The following MDH1 variants were observed in gnomAD, a reference collection of about 807,000 sequenced individuals.
The protein encoded by MDH1 is malate dehydrogenase, cytoplasmic.
In MDH1, 15 loss-of-function variants were observed where a neutral mutation model predicts 38.7. That is an observed-to-expected ratio of 0.39 (90% CI 0.26 to 0.60). The LOEUF is 0.60. MDH1 is among the 20% of genes least tolerant of loss of function. MDH1 has a pLI of 0.56. For synonymous variants in MDH1, 144 were observed against 143.6 expected, an observed-to-expected ratio of 1.00 and a Z score of -0.02; for missense variants, 368 against 405.2, an observed-to-expected ratio of 0.91 and a Z score of 0.79.
rs748062233 is a variant in MDH1, at chr2:63,594,546, T to C, written c.62T>C (p.Leu21Pro). The C allele has an allele frequency of 6.2e-7, 1 of 1,613,890 alleles. No individual in the cohort carries two copies. The change falls in exon 2 of 9, where the codon CTG becomes CCG. Residue 21 changes from leucine to proline, a missense_variant. Coordinates refer to ENST00000233114, the MANE Select transcript of MDH1 (RefSeq NM_005917.4). ...GCTGGTCAAATTGCATATTCACTGC[T>C]GTACAGTATTGGAAATGGATCTGTC... ...GAAGQIAYSL[L>P]YSIGNGSVFG...
chr2:63,594,371 CT>C lies in MDH1; in HGVS notation c.4-114del. 5 of 851,372 alleles carry C rather than the reference CT, an allele frequency of 5.9e-6. No homozygotes were observed. The South Asian group carries it at 6.7e-5, about 11-fold the overall frequency. 52.7% of individuals were successfully genotyped at this position (851,372 alleles called of 1,614,324 possible). A position where few individuals can be genotyped will look rare whatever the true frequency, so the allele number is the denominator to read the frequency against. ...TTCTACTGAGCCAGATGCAAAAGGA[CT>C]TTAAAATTTTACATTCACTTTTAAA... On this transcript the variant is annotated intron_variant, in intron 1 of 8. Coordinates refer to ENST00000233114, the MANE Select transcript of MDH1 (RefSeq NM_005917.4).
intron 5 of MDH1, chr2:63,599,603 G>A (rs1159313038): frequency 1.7e-5 from 3 of 175,598 alleles, no homozygotes; most frequent in African/African-American, 7.2e-5. Context: ...ATACATGATG[G>A]TACATAATTT....
At chr2:63,593,784 TA>T (rs1709248820) in intron 1 of MDH1, among the ~76,000 whole-genome samples, 1 of 152,258 alleles carries the variant, frequency 6.6e-6, no homozygotes, top group African/African-American at 2.4e-5. Flanking sequence ...TTCTATCTTT[TA>T]AAATTCTGTC....
intron 1 of MDH1, chr2:63,589,376 G>A (rs570913226): frequency 6.4e-7 from 1 of 1,550,602 alleles, no homozygotes; most frequent in East Asian, 2.4e-5. Context: ...GTTTGATAAG[G>A]ACGATAAGGT....
chr2:63,592,407 C>T (rs1433356420), intron 1 of MDH1, among the ~76,000 whole-genome samples: 1 of 152,180 alleles, frequency 6.6e-6, no homozygotes, highest in African/African-American at 2.4e-5. Flanking sequence ...CTGAAGTGCA[C>T]TCACACAGTA....
Position 63,589,036 on chromosome 2 carries a change from T to G in MDH1, c.-8T>G. ...CAGTTGTTGAAATTGTCCCCGCAGT[T>G]TTCAATCATGGTGAGTGTGGGCCCC... On this transcript the variant is annotated 5_prime_UTR_variant, in exon 1 of 9. Transcript: ENST00000233114. 1 of 1,614,206 alleles carries G rather than the reference T, an allele frequency of 6.2e-7. No homozygotes were observed. Among genetic ancestry groups the G allele is most frequent in the Non-Finnish European group, 8.5e-7 (1 of 1,180,034 alleles).
chr2:63,602,121 T>C (rs542685816), intron 5 of MDH1, among the ~76,000 whole-genome samples: 2 of 152,336 alleles, frequency 1.3e-5, no homozygotes, highest in Non-Finnish European at 2.9e-5. Flanking sequence ...ATTAGATCGG[T>C]CAAAAGTGAT....
intron 3 of MDH1, 78 bp downstream of exon 3, chr2:63,595,597 C>G: frequency 1.2e-6 from 1 of 846,554 alleles, no homozygotes; most frequent in Admixed American, 2.4e-5. Context: ...TTGTTAAAGG[C>G]TCTCAATTAG....
intron 3 of MDH1, among the ~76,000 whole-genome samples, chr2:63,595,893 C>T (rs895098869): frequency 1.3e-5 from 2 of 152,158 alleles, no homozygotes; most frequent in African/African-American, 4.8e-5. Flanking sequence ...GTAATAGTAG[C>T]ATCCTGTAAT....
At chr2:63,601,572 T>C (rs1709419049) in intron 5 of MDH1, among the ~76,000 whole-genome samples, 1 of 152,228 alleles carries the variant, frequency 6.6e-6, no homozygotes, top group Non-Finnish European at 1.5e-5. Flanking sequence ...TATGTATTAA[T>C]TTAGACTAAT....
rs558549033 is a variant in MDH1, at chr2:63,594,669, G to A, written c.102+83G>A. ...ATCTGTATTTAGTTGTACACAAATT[G>A]TTAAACAGTGAAGGAATATGTAATC... is the stretch of plus-strand genomic sequence containing the variant. On this transcript the variant is annotated intron_variant, in intron 2 of 8. Transcript: ENST00000233114. The A allele has an allele frequency of 4.2e-6, 4 of 952,846 alleles. No homozygotes were observed. The African/African-American group carries it at 5.0e-5, about 12-fold the overall frequency. 59.0% of individuals were successfully genotyped at this position (952,846 alleles called of 1,614,324 possible). A position where few individuals can be genotyped will look rare whatever the true frequency, so the allele number is the denominator to read the frequency against.
At chr2:63,602,576 G>A (rs1007678663) in intron 5 of MDH1, among the ~76,000 whole-genome samples, 27 of 151,876 alleles carry the variant, frequency 1.8e-4, no homozygotes, top group African/African-American at 6.3e-4. Flanking sequence ...GTGTCTTTAT[G>A]AATGATTCTA....
At chr2:63,589,404 G>T in intron 1 of MDH1, 1 of 1,548,948 alleles carries the variant, frequency 6.5e-7, no homozygotes, top group Non-Finnish European at 8.7e-7. Context: ...GGGAGGGAAA[G>T]GTTGGGTCCT....
chr2:63,592,341 C>T (rs1263049505), intron 1 of MDH1, among the ~76,000 whole-genome samples: 1 of 152,116 alleles, frequency 6.6e-6, no homozygotes, highest in Non-Finnish European at 1.5e-5. Flanking sequence ...CTTTTGTTTT[C>T]ATAGTATATA....
chr2:63,602,172 C>T (rs1709431510), intron 5 of MDH1, among the ~76,000 whole-genome samples: 1 of 152,136 alleles, frequency 6.6e-6, no homozygotes. Context: ...AAACTTTTAA[C>T]TATTTTAGGA....
intron 3 of MDH1, among the ~76,000 whole-genome samples, chr2:63,596,755 T>TA (rs1162855516): frequency 6.6e-6 from 1 of 152,194 alleles, no homozygotes; most frequent in Non-Finnish European, 1.5e-5. Flanking sequence ...TGCGATGACT[T>TA]ATGTTCTTTA....
intron 5 of MDH1, among the ~76,000 whole-genome samples, chr2:63,602,365 T>C (rs1709438501): frequency 6.8e-6 from 1 of 148,040 alleles, no homozygotes; most frequent in African/African-American, 2.5e-5. Flanking sequence ...TTTTTTTTTT[T>C]TTTGCTTTTT....
At chr2:63,602,022 G>A (rs1037263969) in intron 5 of MDH1, among the ~76,000 whole-genome samples, 2 of 152,152 alleles carry the variant, frequency 1.3e-5, no homozygotes, top group Non-Finnish European at 2.9e-5. Flanking sequence ...CAATAGCTGG[G>A]TACCCCAGAA....
chr2:63,606,053 C>A, intron 8 of MDH1, 25 bp downstream of exon 8: 1 of 1,576,134 alleles, frequency 6.3e-7, no homozygotes. Flanking sequence ...AGCTATTTCC[C>A]TTCTTTGAGG....
Sources: allele counts gnomAD v4.1 joint callset (sites outside exome capture counted in the v4.1 genomes callset), GRCh38; gene constraint gnomAD v4.1.1; transcripts MANE v1.5; gene names NCBI Gene and HGNC (gene_info 2026-07-23, HGNC 2026-07-21).